Variants in HIVEP3 observed in about 807,000 individuals in gnomAD.
The protein encoded by HIVEP3 is HIVEP zinc finger 3.
A neutral mutation model predicts 152.8 loss-of-function variants in HIVEP3; 49 were observed. The observed-to-expected ratio is 0.32, with a 90% CI of 0.26 to 0.41. The LOEUF (loss-of-function observed/expected upper bound fraction) is 0.41, where lower values mean the gene tolerates loss of function less well. HIVEP3 is among the 10% of genes least tolerant of loss of function. The pLI is 1.00. For missense variants in HIVEP3, 2,790 were observed against 3,103.3 expected, an observed-to-expected ratio of 0.90 and a Z score of 2.40; for synonymous variants, 1,269 against 1,289.0, an observed-to-expected ratio of 0.98 and a Z score of 0.33.
chr1:41,537,075 G>A (rs967177935), intron 5 of HIVEP3, among the ~76,000 whole-genome samples: 1 of 152,148 alleles, frequency 6.6e-6, no homozygotes, highest in Non-Finnish European at 1.5e-5. Flanking sequence ...GTCAATAGGG[G>A]CATGTCTGAC....
At chr1:41,912,424 T>A (rs912787895) in intron 1 of HIVEP3, among the ~76,000 whole-genome samples, 7 of 152,216 alleles carry the variant, frequency 4.6e-5, no homozygotes, top group Non-Finnish European at 2.9e-5. Flanking sequence ...TTGCTGCAGT[T>A]CCTGCCATAT....
chr1:41,875,356 T>C (rs550153215), intron 1 of HIVEP3, among the ~76,000 whole-genome samples: 72 of 152,330 alleles, frequency 4.7e-4, no homozygotes, highest in Non-Finnish European at 6.9e-4. Flanking sequence ...CCATCCATCC[T>C]GCTCCTGGCC....
rs1642478940 is a variant in HIVEP3 at position 41,512,960 on chromosome 1, C to T, written c.6261G>A (p.Gly2087=). ...TGCCCGGCCCAGCCAAGGCCCACTT[C>T]CCTGGCGGCGCTGACCGTGGTGGTG... The part of the protein sequence containing the change: ...AESPPRSAPP[G]KWALAGPGSP... Residue 2087 remains glycine, a synonymous_variant, in exon 8 of 9, where the codon GGG becomes GGA. Transcript: ENST00000372583. 3 of 1,610,880 alleles carry T rather than the reference C, an allele frequency of 1.9e-6. No individual in the cohort carries two copies. The highest frequency in any genetic ancestry group is 2.5e-6 in the Non-Finnish European group (3 of 1,178,814).
chr1:41,705,431 A>T (rs1646418724), intron 1 of HIVEP3, among the ~76,000 whole-genome samples: 1 of 151,852 alleles, frequency 6.6e-6, no homozygotes, highest in African/African-American at 2.4e-5. Context: ...GGCTCCTTCC[A>T]CTCCCTGAAC....
chr1:41,652,994 G>A (rs1242740778), intron 2 of HIVEP3, among the ~76,000 whole-genome samples: 5 of 151,484 alleles, frequency 3.3e-5, no homozygotes, highest in Non-Finnish European at 2.9e-5. Flanking sequence ...AGGATCATTT[G>A]CATGCCATTT....
At chr1:41,552,888 T>C (rs1290139968) in intron 5 of HIVEP3, among the ~76,000 whole-genome samples, 1 of 152,232 alleles carries the variant, frequency 6.6e-6, no homozygotes, top group African/African-American at 2.4e-5. Flanking sequence ...TCTGTTCTTT[T>C]ACATTTGCTG....
rs567218676 is a variant in HIVEP3 at position 41,893,444 on chromosome 1, T to C, written c.-801+24969A>G. Among the ~76,000 whole-genome samples, 18 of 152,286 alleles carry C rather than the reference T, an allele frequency of 1.2e-4. No individual in the cohort carries two copies. In the South Asian group the frequency reaches 3.5e-3, roughly 30 times the overall value. The stretch of plus-strand genomic sequence containing the variant: ...TCTGAAGACATTTTTGGTTGTCACA[T>C]CTGGGGGTCAGGGGGTTGCTATCGC... On this transcript the variant is annotated intron_variant, in intron 1 of 8. Coordinates refer to ENST00000372583, the MANE Select transcript of HIVEP3 (RefSeq NM_024503.5).
At chr1:41,982,925 A>G (rs1055948219) in intron 1 of HIVEP3, among the ~76,000 whole-genome samples, 29 of 152,304 alleles carry the variant, frequency 1.9e-4, no homozygotes, top group Admixed American at 1.5e-3. Context: ...GCGGTCCCCA[A>G]TCTTTTTGGC....
chr1:41,678,164 G>C (rs1356228129), intron 2 of HIVEP3, among the ~76,000 whole-genome samples: 2 of 152,212 alleles, frequency 1.3e-5, no homozygotes, highest in African/African-American at 4.8e-5. Context: ...CTCCTCTGTT[G>C]TTTACTCTCG....
chr1:41,525,090 C>A (rs1398428062), intron 5 of HIVEP3, among the ~76,000 whole-genome samples, 180 bp from the exon 6 acceptor site: 1 of 152,174 alleles, frequency 6.6e-6, no homozygotes, highest in Non-Finnish European at 1.5e-5. Flanking sequence ...TGATCCACTG[C>A]GGACCCCTGC....
intron 1 of HIVEP3, among the ~76,000 whole-genome samples, chr1:41,733,026 A>G (rs1444918771): frequency 6.6e-6 from 1 of 152,214 alleles, no homozygotes; most frequent in Non-Finnish European, 1.5e-5. Context: ...CAGCAGATGC[A>G]GAACTCCATC....
Position 41,698,532 on chromosome 1 carries a change from G to A in HIVEP3, c.-721+2384C>T, listed in dbSNP as rs564147056. ...GTCTGACCCTGGGTGTGATCTTTCC[G>A]ATGAGAACCAAGTTGATGAGGGAGC... On this transcript the variant is annotated intron_variant, in intron 2 of 8. Coordinates refer to ENST00000372583, the MANE Select transcript of HIVEP3 (RefSeq NM_024503.5). Among the ~76,000 whole-genome samples the A allele has an allele frequency of 5.9e-5, 9 of 152,238 alleles. No individual in the cohort carries two copies. The East Asian group carries it at 1.2e-3, about 20-fold the overall frequency.
chr1:41,726,969 T>G lies in HIVEP3; in HGVS notation c.-800-25974A>C, dbSNP rs187754516. On this transcript the variant is annotated intron_variant, in intron 1 of 8. Coordinates refer to ENST00000372583, the MANE Select transcript of HIVEP3 (RefSeq NM_024503.5). Reference sequence around the variant, plus strand: ...CTCCAGAGGGCGTAAGTGATAATCCTCTCTTCCTTTCTCAGAACCACCTTT... The same window carrying G: ...CTCCAGAGGGCGTAAGTGATAATCCGCTCTTCCTTTCTCAGAACCACCTTT... Among the ~76,000 whole-genome samples, 10 of 152,214 alleles carry G rather than the reference T, an allele frequency of 6.6e-5. No homozygotes were observed. In the East Asian group the frequency reaches 1.7e-3, roughly 26 times the overall value.
In HIVEP3 at chr1:41,796,641, G is replaced by T. The variant is rs147738506; in HGVS notation, c.-800-95646C>A. Among the ~76,000 whole-genome samples, 1,275 of 152,286 alleles carry T rather than the reference G, an allele frequency of 8.4e-3. 17 individuals are homozygous for T. The highest frequency in any genetic ancestry group is 0.029 in the African/African-American group (1,204 of 41,544). ...CACGGTCCATCATTATCTTGAGCAG[G>T]TAATTTACCTTGCCAGGCATCAGCA... On this transcript the variant is annotated intron_variant, in intron 1 of 8. Coordinates refer to ENST00000372583, the MANE Select transcript of HIVEP3 (RefSeq NM_024503.5).
intron 1 of HIVEP3, among the ~76,000 whole-genome samples, chr1:41,961,155 G>A (rs1052175483): frequency 1.3e-5 from 2 of 152,192 alleles, no homozygotes; most frequent in Admixed American, 6.5e-5. Flanking sequence ...AAGCCACCAA[G>A]CTGTGTGGAA....
intron 5 of HIVEP3, among the ~76,000 whole-genome samples, chr1:41,571,506 G>T (rs952623654): frequency 6.6e-6 from 1 of 152,188 alleles, no homozygotes; most frequent in Non-Finnish European, 1.5e-5. Context: ...ATGCAGAGGG[G>T]GCCATGTGCC....
intron 5 of HIVEP3, among the ~76,000 whole-genome samples, chr1:41,528,222 CCACCCTCACACCCTCACACACT>C (rs1643074618): frequency 7.3e-6 from 1 of 137,380 alleles, no homozygotes; most frequent in Non-Finnish European, 1.6e-5. Flanking sequence ...CCTTCACACT[CCACCCTCACACCCTCACACACT>C]CACCCTCACA....
At chr1:41,543,152 T>C (rs1423729225) in intron 5 of HIVEP3, 1 of 152,270 alleles carries the variant, frequency 6.6e-6, no homozygotes, top group African/African-American at 2.4e-5. Context: ...GGGGGCCAAA[T>C]TAGTGTCCTC....
intron 3 of HIVEP3, among the ~76,000 whole-genome samples, chr1:41,621,181 T>C (rs555553417): frequency 6.6e-6 from 1 of 152,328 alleles, no homozygotes; most frequent in African/African-American, 2.4e-5. Flanking sequence ...GGTGCACCCA[T>C]AGCCATGGTG....
Sources: allele counts gnomAD v4.1 joint callset (sites outside exome capture counted in the v4.1 genomes callset), GRCh38; gene constraint gnomAD v4.1.1; transcripts MANE v1.5; gene names NCBI Gene and HGNC (gene_info 2026-07-23, HGNC 2026-07-21).